Variants in DZIP3 observed in about 807,000 individuals in gnomAD.
The protein encoded by DZIP3 is E3 ubiquitin-protein ligase DZIP3.
DZIP3 carries 118 observed loss-of-function variants against 162.0 expected under a neutral mutation model. That is an observed-to-expected ratio of 0.73 (90% CI 0.63 to 0.85). The LOEUF is 0.85. Among genes scored for constraint, DZIP3 ranks in the 40% least tolerant of loss-of-function variants. DZIP3 has a pLI of 0.00. For missense variants in DZIP3, 1,331 were observed against 1,407.0 expected, an observed-to-expected ratio of 0.95 and a Z score of 0.86; for synonymous variants, 438 against 458.6, an observed-to-expected ratio of 0.96 and a Z score of 0.57.
At chr3:108,667,205 G>A (rs902494482) in intron 21 of DZIP3, among the ~76,000 whole-genome samples, 16 of 151,756 alleles carry the variant, frequency 1.1e-4, no homozygotes, top group Middle Eastern at 3.4e-3. Context: ...AAATAGTAGA[G>A]AAAATCCATG....
rs1035330102 is a variant in DZIP3 at position 108,614,303 on chromosome 3, A to G, written c.259-2238A>G. ...AAACATAAATACAAATACTGTAGTC[A>G]TTGAAGATAATAGAGATAATTCTGC... is the stretch of plus-strand genomic sequence containing the variant. On this transcript the variant is annotated intron_variant, in intron 4 of 32. Coordinates refer to ENST00000361582, the MANE Select transcript of DZIP3 (RefSeq NM_014648.4). Among the ~76,000 whole-genome samples, 7 of 152,364 alleles carry G rather than the reference A, an allele frequency of 4.6e-5. 1 individual carries two copies. The highest frequency in any genetic ancestry group is 1.4e-4 in the African/African-American group (6 of 41,594).
intron 14 of DZIP3, 66 bp downstream of exon 14, chr3:108,644,847 C>T: frequency 1.4e-6 from 2 of 1,479,192 alleles, no homozygotes; most frequent in South Asian, 2.5e-5. Flanking sequence ...CTGTGCCAGG[C>T]ACAGTGCAAA....
chr3:108,637,578 T>C (rs1420733921), intron 12 of DZIP3, 30 bp downstream of exon 12: 9 of 1,569,182 alleles, frequency 5.7e-6, no homozygotes, highest in Non-Finnish European at 7.8e-6. Context: ...CTCTGTTACC[T>C]TTTTTGGAAT....
intron 13 of DZIP3, among the ~76,000 whole-genome samples, chr3:108,643,803 T>C (rs1267005863): frequency 6.6e-6 from 1 of 152,084 alleles, no homozygotes; most frequent in East Asian, 1.9e-4. Context: ...AAGTAAAGTA[T>C]AGTTAGACAT....
chr3:108,608,823 G>A (rs1173687772), intron 3 of DZIP3, among the ~76,000 whole-genome samples: 1 of 152,172 alleles, frequency 6.6e-6, no homozygotes, highest in East Asian at 1.9e-4. Context: ...GTTAATAAGT[G>A]TATTAGTCTG....
At chr3:108,690,950 CTGCTTGTT>C in intron 32 of DZIP3, 47 bp downstream of exon 32, 1 of 1,525,156 alleles carries the variant, frequency 6.6e-7, no homozygotes, top group Non-Finnish European at 9.1e-7. Context: ...TTATTATGAG[CTGCTTGTT>C]TGAGTGGTGT....
At chr3:108,686,380 G>C in intron 27 of DZIP3, 65 bp from the exon 28 acceptor site, 1 of 1,399,324 alleles carries the variant, frequency 7.1e-7, no homozygotes, top group Non-Finnish European at 9.4e-7. Context: ...CCCATTTTCT[G>C]AGGTATAGGA....
chr3:108,677,316 A>G (rs553488544), intron 25 of DZIP3, among the ~76,000 whole-genome samples, 181 bp from the exon 26 acceptor site: 6 of 149,850 alleles, frequency 4.0e-5, no homozygotes, highest in Non-Finnish European at 5.9e-5. Flanking sequence ...AACTGTTTAC[A>G]TGTGGGGATG....
At chr3:108,686,736 T>A in intron 28 of DZIP3, 152 bp downstream of exon 28, 1 of 934,866 alleles carries the variant, frequency 1.1e-6, no homozygotes, top group Non-Finnish European at 1.5e-6. Context: ...AAAAAGAAAT[T>A]TACCAAGAAG....
chr3:108,670,872 C>T (rs1394256820), intron 22 of DZIP3, among the ~76,000 whole-genome samples: 1 of 151,722 alleles, frequency 6.6e-6, no homozygotes, highest in Non-Finnish European at 1.5e-5. Context: ...TGCATTTTCC[C>T]ACTGATTAAT....
At chr3:108,623,755 G>GGACC (rs1411915000) in intron 5 of DZIP3, among the ~76,000 whole-genome samples, 1 of 152,184 alleles carries the variant, frequency 6.6e-6, no homozygotes, top group Non-Finnish European at 1.5e-5. Flanking sequence ...CTTTTATGTA[G>GGACC]GACCCCAGAG....
At chr3:108,592,646 T>C (rs969444373) in intron 1 of DZIP3, among the ~76,000 whole-genome samples, 3 of 149,648 alleles carry the variant, frequency 2.0e-5, no homozygotes, top group African/African-American at 7.4e-5. Context: ...CAGTAAGCCA[T>C]GTTTGCCCCA....
At chr3:108,619,290 G>T (rs1941199741) in intron 5 of DZIP3, among the ~76,000 whole-genome samples, 1 of 143,834 alleles carries the variant, frequency 7.0e-6, no homozygotes, top group South Asian at 2.3e-4. Flanking sequence ...ATGTGTGTGG[G>T]TATATGTGTG....
chr3:108,602,869 T>G (rs558879961), intron 1 of DZIP3: 2 of 152,324 alleles, frequency 1.3e-5, no homozygotes, highest in South Asian at 4.1e-4. Context: ...TGATGATTCT[T>G]TCTCCTGGAA....
At chr3:108,634,551 G>C (rs1230000919) in intron 9 of DZIP3, among the ~76,000 whole-genome samples, 1 of 152,080 alleles carries the variant, frequency 6.6e-6, no homozygotes, top group Non-Finnish European at 1.5e-5. Context: ...TAAAAATGGA[G>C]ATGAAGATGG....
intron 9 of DZIP3, 24 bp downstream of exon 9, chr3:108,633,096 T>G: frequency 7.7e-7 from 1 of 1,294,192 alleles, no homozygotes; most frequent in Non-Finnish European, 1.0e-6. Context: ...CAATTAACAG[T>G]ATTTTTAAAA....
chr3:108,664,133 A>G (rs1943569579), intron 21 of DZIP3, among the ~76,000 whole-genome samples: 2 of 152,210 alleles, frequency 1.3e-5, no homozygotes, highest in Admixed American at 6.5e-5. Flanking sequence ...ATGAGCTGGC[A>G]GTAAGTTTTC....
chr3:108,624,457 A>G lies in DZIP3; in HGVS notation c.389A>G (p.Asn130Ser). ...QAGNYTAHQI[N>S]IGYYLTLLFL... is the part of the protein sequence containing the mutation. ...TTTTCTTTGTAGGCACACCAGATTA[A>G]TATTGGTTATTATTTGACATTACTG... is the stretch of plus-strand genomic sequence containing the variant. Residue 130 changes from asparagine to serine, a missense_variant, in exon 6 of 33, where the codon AAT (asparagine) becomes AGT (serine). Physicochemically the swap from Asn to Ser is conservative, Grantham distance 46. Transcript: ENST00000361582. 2 of 1,592,140 alleles carry G rather than the reference A, an allele frequency of 1.3e-6. No homozygotes were observed. The highest frequency in any genetic ancestry group is 1.7e-6 in the Non-Finnish European group (2 of 1,164,328).
intron 19 of DZIP3, among the ~76,000 whole-genome samples, chr3:108,661,023 T>G (rs1038779885): frequency 3.3e-5 from 5 of 152,160 alleles, no homozygotes; most frequent in Non-Finnish European, 5.9e-5. Flanking sequence ...AGGAACACTT[T>G]TACACTGTTG....
Sources: gnomAD v4.1 joint callset for allele counts (sites outside exome capture counted in the v4.1 genomes callset) on GRCh38, gnomAD v4.1.1 for gene constraint, MANE v1.5 for transcripts, NCBI Gene and HGNC (gene_info 2026-07-23, HGNC 2026-07-21) for gene names.